DLGAP2: variants seen among roughly 807,000 people sequenced by gnomAD.
DLGAP2 encodes the protein DLG associated protein 2, also known as disks large-associated protein 2.
Under a neutral mutation model 100.3 loss-of-function variants are expected in DLGAP2, and 26 were observed. The observed-to-expected ratio is 0.26, with a 90% CI of 0.19 to 0.36. The LOEUF is 0.36. Ranked by LOEUF, DLGAP2 falls within the 10% of genes least tolerant of loss-of-function variation. The probability of loss-of-function intolerance (pLI) is 1.00; values close to 1 mark genes in which losing one functional copy is unlikely to be tolerated. For missense variants in DLGAP2, 1,858 were observed against 1,453.2 expected, an observed-to-expected ratio of 1.28 and a Z score of -4.53; for synonymous variants, 886 against 630.1, an observed-to-expected ratio of 1.41 and a Z score of -6.08.
At chr8:1,136,586 T>C (rs1159291301) in intron 2 of DLGAP2, among the ~76,000 whole-genome samples, 1 of 152,170 alleles carries the variant, frequency 6.6e-6, no homozygotes, top group African/African-American at 2.4e-5. Flanking sequence ...GGCACTCAGA[T>C]CTAGTGCCTG....
intron 3 of DLGAP2, among the ~76,000 whole-genome samples, chr8:1,371,099 C>A (rs927017721): frequency 1.3e-5 from 2 of 152,212 alleles, no homozygotes; most frequent in African/African-American, 4.8e-5. Context: ...TTTTATAAAC[C>A]ATCCTGCATG....
At chr8:1,328,205 A>G (rs1171614586) in intron 3 of DLGAP2, among the ~76,000 whole-genome samples, 1 of 150,584 alleles carries the variant, frequency 6.6e-6, no homozygotes, top group Non-Finnish European at 1.5e-5. Flanking sequence ...ACACCTGGCT[A>G]ATTTTTTTAT....
intron 1 of DLGAP2, among the ~76,000 whole-genome samples, chr8:749,173 T>C (rs1010537178): frequency 3.9e-5 from 6 of 152,162 alleles, no homozygotes; most frequent in Non-Finnish European, 5.9e-5. Context: ...ATATTTTCAG[T>C]AAAGCTGGGG....
At chr8:1,287,209 G>C (rs1256316479) in intron 3 of DLGAP2, among the ~76,000 whole-genome samples, 1 of 9,658 alleles carries the variant, frequency 1.0e-4, no homozygotes, top group Non-Finnish European at 1.9e-4. Context: ...GGTTCAGTGT[G>C]TGTGTGTGTG....
chr8:827,488 A>G (rs1796703667), intron 1 of DLGAP2, among the ~76,000 whole-genome samples: 1 of 152,238 alleles, frequency 6.6e-6, no homozygotes, highest in Non-Finnish European at 1.5e-5. Context: ...ATGATAGTTC[A>G]GTGTAAATAA....
At chr8:1,192,000 G>A (rs528737361) in intron 2 of DLGAP2, among the ~76,000 whole-genome samples, 1 of 152,268 alleles carries the variant, frequency 6.6e-6, no homozygotes, top group African/African-American at 2.4e-5. Flanking sequence ...CACAGCATGG[G>A]GCTGTGAGTT....
intron 3 of DLGAP2, among the ~76,000 whole-genome samples, chr8:1,470,514 C>T (rs978131943): frequency 2.6e-5 from 4 of 152,098 alleles, no homozygotes; most frequent in African/African-American, 9.7e-5. Context: ...CGTTTAAATA[C>T]AACAAAATCC....
At chr8:1,229,393 GT>G (rs1420103814) in intron 2 of DLGAP2, among the ~76,000 whole-genome samples, 1 of 151,910 alleles carries the variant, frequency 6.6e-6, no homozygotes, top group African/African-American at 2.4e-5. Context: ...TACCAATTCA[GT>G]TTTGGAACTT....
intron 8 of DLGAP2, among the ~76,000 whole-genome samples, chr8:1,639,582 A>C (rs192163469): frequency 6.6e-6 from 1 of 152,188 alleles, no homozygotes; most frequent in Admixed American, 6.5e-5. Context: ...AACCCCTACA[A>C]AGCAGGTGTG....
At chr8:1,675,571 C>T (rs1173561314) in intron 10 of DLGAP2, among the ~76,000 whole-genome samples, 1 of 152,220 alleles carries the variant, frequency 6.6e-6, no homozygotes, top group East Asian at 1.9e-4. Flanking sequence ...TGTTAACGTG[C>T]AGCTCCTCTC....
At chr8:925,761 C>T (rs543529215) in intron 2 of DLGAP2, among the ~76,000 whole-genome samples, 87 of 152,218 alleles carry the variant, frequency 5.7e-4, no homozygotes, top group African/African-American at 1.9e-3. Flanking sequence ...ATGAGGCTGA[C>T]GAGTCTGAGA....
chr8:1,391,116 A>G (rs1355155713), intron 3 of DLGAP2, among the ~76,000 whole-genome samples: 1 of 152,236 alleles, frequency 6.6e-6, no homozygotes, highest in Non-Finnish European at 1.5e-5. Context: ...AGTAGGAAGA[A>G]GCTTTGGAGG....
At chr8:1,330,182 G>A (rs930209417) in intron 3 of DLGAP2, among the ~76,000 whole-genome samples, 7 of 152,186 alleles carry the variant, frequency 4.6e-5, no homozygotes, top group Non-Finnish European at 8.8e-5. Context: ...CCGTGGTGCT[G>A]ACGCCCAGGG....
At chr8:1,525,282 C>T (rs1320252578) in intron 4 of DLGAP2, among the ~76,000 whole-genome samples, 1 of 150,668 alleles carries the variant, frequency 6.6e-6, no homozygotes, top group African/African-American at 2.5e-5. Flanking sequence ...AAATTCAAAC[C>T]AGGCTTCTGA....
intron 2 of DLGAP2, among the ~76,000 whole-genome samples, chr8:1,068,100 C>G (rs1473189352): frequency 1.3e-5 from 2 of 152,210 alleles, no homozygotes; most frequent in Non-Finnish European, 2.9e-5. Flanking sequence ...TTGTAATGTG[C>G]ATTTACGGTG....
At chr8:1,383,036 G>C (rs7386843) in intron 3 of DLGAP2, among the ~76,000 whole-genome samples, 2 of 152,124 alleles carry the variant, frequency 1.3e-5, no homozygotes, top group Non-Finnish European at 2.9e-5. Context: ...TTTGTGGAAC[G>C]CAAATCGAAG....
chr8:1,267,825 A>G (rs1395448699), intron 3 of DLGAP2, among the ~76,000 whole-genome samples: 3 of 151,910 alleles, frequency 2.0e-5, no homozygotes, highest in South Asian at 2.1e-4. Context: ...TGCTGGTTCT[A>G]TGGGAATTCT....
intron 8 of DLGAP2, among the ~76,000 whole-genome samples, chr8:1,636,590 G>C (rs1797772945): frequency 6.6e-6 from 1 of 152,090 alleles, no homozygotes; most frequent in South Asian, 2.1e-4. Flanking sequence ...CTATGTATTT[G>C]ATTCTCCCAT....
At chr8:1,607,232 A>T (rs1796829870) in intron 6 of DLGAP2, among the ~76,000 whole-genome samples, 1 of 152,096 alleles carries the variant, frequency 6.6e-6, no homozygotes, top group Admixed American at 6.5e-5. Context: ...TTAAAATCTG[A>T]CTTATATTCT....
Sources: gnomAD v4.1 joint callset for allele counts (sites outside exome capture counted in the v4.1 genomes callset) on GRCh38, gnomAD v4.1.1 for gene constraint, MANE v1.5 for transcripts, NCBI Gene and HGNC (gene_info 2026-07-23, HGNC 2026-07-21) for gene names.